The following RP1 variants were observed in gnomAD, a reference collection of about 807,000 sequenced individuals.
RP1 encodes oxygen-regulated protein 1.
Under a neutral mutation model 14.8 loss-of-function variants are expected in RP1, and 16 were observed. That is an observed-to-expected ratio of 1.08 (90% CI 0.73 to 1.65). The LOEUF (loss-of-function observed/expected upper bound fraction) is 1.65. Ranked by LOEUF, RP1 falls within the 40% of genes most tolerant of loss-of-function variation. The probability of loss-of-function intolerance (pLI) is 0.00; values close to 1 mark genes in which losing one functional copy is unlikely to be tolerated. For synonymous variants in RP1, 876 were observed against 883.6 expected (o/e 0.99, Z 0.15); for missense variants, 2,631 against 2,535.0 (o/e 1.04, Z -0.81).
At chr8:54,832,239 TC>T (rs1385333770) in intron 24 of RP1, among the ~76,000 whole-genome samples, 13 of 151,912 alleles carry the variant, frequency 8.6e-5, no homozygotes, top group African/African-American at 3.1e-4. Flanking sequence ...TCTTCTCTAT[TC>T]AATCTCTTTT....
chr8:54,832,174 G>A (rs1461361175), intron 24 of RP1, among the ~76,000 whole-genome samples: 1 of 151,166 alleles, frequency 6.6e-6, no homozygotes, highest in East Asian at 1.9e-4. Context: ...CTTTTTCTGT[G>A]GGTTGCTGTT....
chr8:54,590,682 G>T (rs2129300735), intron 1 of RP1, among the ~76,000 whole-genome samples: 2 of 152,190 alleles, frequency 1.3e-5, no homozygotes, highest in Middle Eastern at 3.4e-3. Context: ...CTCCAGTTAT[G>T]TAGTCCCTCC....
intron 17 of RP1, among the ~76,000 whole-genome samples, chr8:54,729,126 T>C (rs1464625685): frequency 1.3e-5 from 2 of 152,236 alleles, no homozygotes; most frequent in African/African-American, 4.8e-5. Flanking sequence ...AGAAGACTTA[T>C]GATTTGATGC....
chr8:54,676,403 G>A (rs62514624), intron 8 of RP1, among the ~76,000 whole-genome samples: 2,599 of 152,270 alleles, frequency 0.017, 34 homozygotes, highest in Non-Finnish European at 0.024. Context: ...TCTAGAATTT[G>A]TTACATGACC....
chr8:54,740,403 T>TAAAAAAAA (rs34753388), intron 19 of RP1, among the ~76,000 whole-genome samples: 11 of 80,230 alleles, frequency 1.4e-4, no homozygotes, highest in South Asian at 4.7e-4. Context: ...GCTTAAAAAG[T>TAAAAAAAA]AAAAAAAAAA....
At chr8:54,592,537 GAA>G (rs1805062965) in intron 1 of RP1, among the ~76,000 whole-genome samples, 1 of 152,186 alleles carries the variant, frequency 6.6e-6, no homozygotes, top group African/African-American at 2.4e-5. Flanking sequence ...TAGCCCTCTT[GAA>G]GATTCTGTGA....
chr8:54,606,978 C>T lies in RP1; in HGVS notation c.-12-13977C>T, dbSNP rs1428001512. Among the ~76,000 whole-genome samples the T allele has an allele frequency of 2.0e-5, 3 of 152,086 alleles. No homozygotes were observed. The East Asian group carries it at 5.8e-4, about 29-fold the overall frequency. The stretch of plus-strand genomic sequence containing the variant: ...TTTTCAAGGTTTTTAACTTCTTTGC[C>T]ATGGGTTCGAACCTCCTCCTTTAGC... On this transcript the variant is annotated intron_variant, in intron 1 of 22. Coordinates refer to the RP1 transcript ENST00000636932.
intron 27 of RP1, among the ~76,000 whole-genome samples, chr8:54,863,587 A>G (rs1175433049): frequency 2.6e-5 from 4 of 152,336 alleles, no homozygotes; most frequent in East Asian, 1.9e-4. Flanking sequence ...TGGATCATCA[A>G]TTGTACTACC....
chr8:54,564,734 G>C (rs1454806407), intron 1 of RP1, among the ~76,000 whole-genome samples: 1 of 152,176 alleles, frequency 6.6e-6, no homozygotes, highest in African/African-American at 2.4e-5. Flanking sequence ...ATTGGACTTA[G>C]AGACCCAGCA....
intron 15 of RP1, among the ~76,000 whole-genome samples, chr8:54,717,383 T>C (rs1343704465): frequency 6.6e-6 from 1 of 152,172 alleles, no homozygotes; most frequent in Admixed American, 6.6e-5. Flanking sequence ...GCAATGAGAA[T>C]ATATTAGTTA....
chr8:54,580,453 T>A (rs1804761841), intron 1 of RP1, among the ~76,000 whole-genome samples: 1 of 149,564 alleles, frequency 6.7e-6, no homozygotes, highest in Non-Finnish European at 1.5e-5. Context: ...ACTACAGGCG[T>A]GCGCCACCAC....
chr8:54,691,609 C>T (rs773486035), intron 12 of RP1, among the ~76,000 whole-genome samples: 7 of 151,688 alleles, frequency 4.6e-5, no homozygotes, highest in East Asian at 1.9e-4. Flanking sequence ...TCCCAGGGAG[C>T]GAGAAGAAGA....
chr8:54,737,739 C>T (rs1385857914), intron 18 of RP1, among the ~76,000 whole-genome samples: 1 of 151,754 alleles, frequency 6.6e-6, no homozygotes, highest in Admixed American at 6.6e-5. Flanking sequence ...TGGTGGTGGG[C>T]ACTTAAAAAA....
intron 16 of RP1, among the ~76,000 whole-genome samples, chr8:54,723,216 AGTGTCT>A (rs1808574739): frequency 6.6e-6 from 1 of 152,206 alleles, no homozygotes; most frequent in East Asian, 1.9e-4. Context: ...TGCTTAGAAT[AGTGTCT>A]GGTACTCAGC....
At chr8:54,688,917 C>T (rs1807636950) in intron 12 of RP1, among the ~76,000 whole-genome samples, 1 of 152,144 alleles carries the variant, frequency 6.6e-6, no homozygotes, top group African/African-American at 2.4e-5. Context: ...TGGCCATTTT[C>T]ACGATATTGA....
intron 3 of RP1, among the ~76,000 whole-genome samples, chr8:54,642,101 T>C (rs995592632): frequency 1.3e-5 from 2 of 152,218 alleles, no homozygotes; most frequent in Non-Finnish European, 2.9e-5. Context: ...AAGATTTTTC[T>C]AGCCTGTGAA....
At chr8:54,632,498 A>G (rs1358388763), downstream of RP1, among the ~76,000 whole-genome samples, 1 of 152,244 alleles carries the variant, frequency 6.6e-6, no homozygotes, top group African/African-American at 2.4e-5. Flanking sequence ...TCTTATTCAC[A>G]GAGCTAGCTT....
At chr8:54,830,883 C>T (rs1362751029) in intron 24 of RP1, among the ~76,000 whole-genome samples, 1 of 152,100 alleles carries the variant, frequency 6.6e-6, no homozygotes, top group East Asian at 1.9e-4. Flanking sequence ...CCTTTCAGAG[C>T]TGGCAACCAG....
At chr8:54,773,400 G>A (rs1401900736), downstream of RP1, among the ~76,000 whole-genome samples, 1 of 152,086 alleles carries the variant, frequency 6.6e-6, no homozygotes, top group African/African-American at 2.4e-5. Context: ...ACTTTGGGAG[G>A]CTGAGGTGGC....
Sources: allele counts gnomAD v4.1 joint callset (sites outside exome capture counted in the v4.1 genomes callset), GRCh38; gene constraint gnomAD v4.1.1; transcripts MANE v1.5; gene names NCBI Gene and HGNC (gene_info 2026-07-23, HGNC 2026-07-21).